ELFN1: variants seen among roughly 807,000 people sequenced by gnomAD.
ELFN1 encodes the protein protein ELFN1.
ELFN1 carries 6 observed loss-of-function variants against 7.6 expected under a neutral mutation model. The ratio of observed to expected loss-of-function variants is 0.79; its 90% CI spans 0.43 to 1.56. ELFN1 has a LOEUF of 1.56. ELFN1 is among the 40% of genes most tolerant of loss of function. The probability of loss-of-function intolerance (pLI) is 0.01; values close to 1 mark genes in which losing one functional copy is unlikely to be tolerated. For missense variants in ELFN1, 1,169 were observed against 1,232.2 expected (o/e 0.95, Z 0.77); for synonymous variants, 657 against 588.1 (o/e 1.12, Z -1.70).
intron 3 of ELFN1, among the ~76,000 whole-genome samples, chr7:1,714,391 C>A (rs1015652138): frequency 6.6e-6 from 1 of 152,192 alleles, no homozygotes; most frequent in Non-Finnish European, 1.5e-5. Flanking sequence ...CCGTTCACCA[C>A]CCCCCACACC....
At chr7:1,669,844 A>G (rs1778726834), upstream of ELFN1, among the ~76,000 whole-genome samples, 2 of 149,324 alleles carry the variant, frequency 1.3e-5, no homozygotes, top group Non-Finnish European at 3.0e-5. Flanking sequence ...TTGTTCAGCC[A>G]ACAGCTGTCG....
At chr7:1,699,037 C>A (rs977553423) in intron 2 of ELFN1, among the ~76,000 whole-genome samples, 2 of 152,206 alleles carry the variant, frequency 1.3e-5, no homozygotes, top group Non-Finnish European at 2.9e-5. Context: ...GTGGAAGCAT[C>A]CATTATATAC....
intron 2 of ELFN1, among the ~76,000 whole-genome samples, chr7:1,697,863 C>A (rs889803021): frequency 1.3e-5 from 2 of 152,192 alleles, no homozygotes; most frequent in Admixed American, 1.3e-4. Context: ...TGGCTCACGG[C>A]AGCCTTGAAC....
chr7:1,746,292 A>G lies in ELFN1; in HGVS notation c.1696A>G (p.Asn566Asp). The change falls in exon 4 of 4, where the codon AAC becomes GAC. Residue 566 changes from asparagine (N) to aspartate (D), a missense_variant. By Grantham distance (23) the Asn-to-Asp change is conservative. Transcript: ENST00000424383. ...STIAKEVDKVNQIINNCIDAL... is the reference protein window; with the variant it reads ...STIAKEVDKVDQIINNCIDAL... ...CATCGCCAAGGAGGTGGACAAGGTC[A>G]ACCAGATCATCAACAACTGCATCGA... 1.3e-6 allele frequency: 2 copies of G among 1,596,082 alleles called. No homozygotes were observed. The highest frequency in any genetic ancestry group is 1.7e-6 in the Non-Finnish European group (2 of 1,172,346).
In ELFN1 at chr7:1,695,608, G is replaced by C. The variant is rs1309206282; in HGVS notation, c.-456+7458G>C. ...TAAAAAATACAAAAATTAGCCGGGC[G>C]TTGTGGTGGACACCTGTAATCCCAG... On this transcript the variant is annotated intron_variant, in intron 2 of 3. Coordinates refer to ENST00000424383, the MANE Select transcript of ELFN1 (RefSeq NM_001128636.4). The surrounding 1 kb of genome is among the most constrained non-coding windows in gnomAD (Gnocchi z 5.1). 6.6e-6 allele frequency among the ~76,000 whole-genome samples: 1 copy of C among 152,038 alleles called. No homozygotes were observed. The highest frequency in any genetic ancestry group is 2.1e-4 in the South Asian group (1 of 4,824).
chr7:1,707,283 C>G (rs558438285), intron 2 of ELFN1, among the ~76,000 whole-genome samples: 1 of 152,240 alleles, frequency 6.6e-6, no homozygotes, highest in African/African-American at 2.4e-5. Flanking sequence ...CGTCCTGGCC[C>G]GACCCCTCCA....
At chr7:1,696,175 A>AGTGTGT (rs140207256) in intron 2 of ELFN1, among the ~76,000 whole-genome samples, 3 of 147,990 alleles carry the variant, frequency 2.0e-5, no homozygotes, top group African/African-American at 7.5e-5. Flanking sequence ...AGAGAGAGAG[A>AGTGTGT]GTGTGTGTGT....
At chr7:1,689,752 C>T (rs553645441) in intron 2 of ELFN1, among the ~76,000 whole-genome samples, 22 of 152,330 alleles carry the variant, frequency 1.4e-4, no homozygotes, top group South Asian at 6.2e-4. Flanking sequence ...TTACAGGTGG[C>T]GAGTGCTACA....
intron 3 of ELFN1, among the ~76,000 whole-genome samples, chr7:1,723,535 C>T (rs910772661): frequency 3.3e-5 from 5 of 152,208 alleles, no homozygotes; most frequent in African/African-American, 1.2e-4. Context: ...ATCGGGCCCA[C>T]GCCTCACAAG....
chr7:1,728,094 G>A (rs868196537), intron 3 of ELFN1, among the ~76,000 whole-genome samples: 2 of 152,134 alleles, frequency 1.3e-5, no homozygotes, highest in African/African-American at 2.4e-5. Context: ...AGACCTTCCT[G>A]CTCCACCCAG....
intron 3 of ELFN1, among the ~76,000 whole-genome samples, chr7:1,730,060 G>A (rs1342136550): frequency 3.3e-5 from 5 of 152,246 alleles, no homozygotes; most frequent in East Asian, 1.9e-4. Flanking sequence ...CTCCGAATCC[G>A]CCACGTCGGA....
chr7:1,685,691 CTAT>C (rs1259414587), intron 1 of ELFN1, among the ~76,000 whole-genome samples: 2 of 151,076 alleles, frequency 1.3e-5, no homozygotes, highest in Admixed American at 6.6e-5. Flanking sequence ...TTTTGAGTCA[CTAT>C]TATTATCCTT....
intron 3 of ELFN1, among the ~76,000 whole-genome samples, chr7:1,712,361 C>G (rs915456755): frequency 6.6e-6 from 1 of 151,824 alleles, no homozygotes; most frequent in Non-Finnish European, 1.5e-5. Flanking sequence ...ACCTCGTGAT[C>G]TGCCCGCCTC....
chr7:1,697,399 G>T (rs1486021430), intron 2 of ELFN1, among the ~76,000 whole-genome samples: 1 of 152,202 alleles, frequency 6.6e-6, no homozygotes, highest in Non-Finnish European at 1.5e-5. Flanking sequence ...AGGAGCCGGT[G>T]CTGGGAGCAC....
chr7:1,708,309 G>A (rs1256535379), intron 2 of ELFN1, among the ~76,000 whole-genome samples: 1 of 152,230 alleles, frequency 6.6e-6, no homozygotes, highest in African/African-American at 2.4e-5. Context: ...GAGGCCTGGA[G>A]AATCCTCAGC....
In ELFN1 at chr7:1,673,094, C is replaced by T. The variant is rs935777861; in HGVS notation, c.-549+2740C>T. Among the ~76,000 whole-genome samples, 27 of 29,662 alleles carry T rather than the reference C, an allele frequency of 9.1e-4. No individual in the cohort carries two copies. In the African/African-American group the frequency reaches 0.023, roughly 26 times the overall value. The allele number at this position is 29,662 out of a possible 152,430, so 19.5% of individuals were successfully genotyped here. A position where few individuals can be genotyped will look rare whatever the true frequency, so the allele number is the denominator to read the frequency against. On this transcript the variant is annotated intron_variant, in intron 1 of 3. Transcript: ENST00000424383. This position sits in a 1 kb window ranked among gnomAD's most constrained non-coding sequence, Gnocchi z 4.7. Reference sequence around the variant, plus strand: ...TTGTCATCTCTCCAGCGCCCCCCCCCGCTCTTTCCTTTTTGTTTTTGTTGT... The same window carrying T: ...TTGTCATCTCTCCAGCGCCCCCCCCTGCTCTTTCCTTTTTGTTTTTGTTGT...
At chr7:1,679,093 G>C (rs919069677) in intron 1 of ELFN1, among the ~76,000 whole-genome samples, 1 of 152,114 alleles carries the variant, frequency 6.6e-6, no homozygotes, top group Non-Finnish European at 1.5e-5. Context: ...TTGCAGGGAT[G>C]TTGGCACCTA....
At chr7:1,712,361 C>A (rs915456755) in intron 3 of ELFN1, among the ~76,000 whole-genome samples, 2 of 151,824 alleles carry the variant, frequency 1.3e-5, no homozygotes, top group African/African-American at 4.8e-5. Flanking sequence ...ACCTCGTGAT[C>A]TGCCCGCCTC....
chr7:1,697,535 G>A (rs939103420), intron 2 of ELFN1, among the ~76,000 whole-genome samples: 2 of 152,364 alleles, frequency 1.3e-5, no homozygotes, highest in East Asian at 3.9e-4. Flanking sequence ...TGGGTTCCCA[G>A]CTTCCCACTG....
Sources: allele counts gnomAD v4.1 joint callset (sites outside exome capture counted in the v4.1 genomes callset), GRCh38; gene constraint gnomAD v4.1.1; non-coding constraint Gnocchi (gnomAD v3.1); transcripts MANE v1.5; gene names NCBI Gene and HGNC (gene_info 2026-07-23, HGNC 2026-07-21).